Variants in COL24A1 observed in about 807,000 individuals in gnomAD.
The protein encoded by COL24A1 is collagen type XXIV alpha 1 chain, also known as collagen alpha-1(XXIV) chain.
COL24A1 carries 224 observed loss-of-function variants against 253.9 expected under a neutral mutation model. The ratio of observed to expected loss-of-function variants is 0.88; its 90% confidence interval spans 0.79 to 0.99. The LOEUF is 0.99. Among genes scored for constraint, COL24A1 ranks in the 50% least tolerant of loss-of-function variants. The probability of loss-of-function intolerance (pLI) is 0.00; values close to 1 mark genes in which losing one functional copy is unlikely to be tolerated. For synonymous variants in COL24A1, 685 were observed against 673.7 expected (o/e 1.02, Z -0.26); for missense variants, 2,131 against 2,068.5 (o/e 1.03, Z -0.59).
intron 42 of COL24A1, among the ~76,000 whole-genome samples, chr1:85,839,517 G>C (rs1676375646): frequency 6.6e-6 from 1 of 151,022 alleles, no homozygotes; most frequent in South Asian, 2.1e-4. Flanking sequence ...TGAGCTCAAG[G>C]GTTTGAGACC....
At chr1:85,844,469 T>G (rs1290759047) in intron 39 of COL24A1, among the ~76,000 whole-genome samples, 7 of 151,950 alleles carry the variant, frequency 4.6e-5, no homozygotes, top group Non-Finnish European at 7.4e-5. Context: ...ATAAAATAAA[T>G]GGGCCAGACA....
chr1:86,152,317 G>C (rs184530384), intron 1 of COL24A1, among the ~76,000 whole-genome samples: 1 of 152,220 alleles, frequency 6.6e-6, no homozygotes, highest in South Asian at 2.1e-4. Context: ...GGGCTGAAAT[G>C]ATGCCATACT....
intron 57 of COL24A1, 51 bp from the exon 58 acceptor site, chr1:85,737,556 CT>C: frequency 8.1e-7 from 1 of 1,240,074 alleles, no homozygotes; most frequent in Non-Finnish European, 1.1e-6. Context: ...TGCCATAATC[CT>C]TATAATTTCT....
chr1:85,828,954 G>T (rs974670861), intron 43 of COL24A1, among the ~76,000 whole-genome samples: 1 of 151,372 alleles, frequency 6.6e-6, no homozygotes, highest in South Asian at 2.1e-4. Flanking sequence ...GTGTGAATTT[G>T]ATCCTGTCAT....
At chr1:85,994,571 T>A (rs986293561) in intron 19 of COL24A1, among the ~76,000 whole-genome samples, 1 of 152,134 alleles carries the variant, frequency 6.6e-6, no homozygotes, top group African/African-American at 2.4e-5. Flanking sequence ...TTTTCTAACA[T>A]TTATGGAAGC....
At chr1:86,046,693 G>A in intron 12 of COL24A1, 132 bp downstream of exon 12, 2 of 1,022,436 alleles carry the variant, frequency 2.0e-6, no homozygotes, top group Non-Finnish European at 3.0e-6. Context: ...CTATTCAAGA[G>A]GCAAAAATTA....
At chr1:85,985,455 A>G (rs971480214) in intron 20 of COL24A1, among the ~76,000 whole-genome samples, 2 of 151,832 alleles carry the variant, frequency 1.3e-5, no homozygotes, top group African/African-American at 4.8e-5. Flanking sequence ...AAAAAGTACA[A>G]GCCTTAACAT....
intron 37 of COL24A1, among the ~76,000 whole-genome samples, chr1:85,854,513 T>C (rs1414032551): frequency 1.3e-5 from 2 of 152,206 alleles, no homozygotes; most frequent in Non-Finnish European, 2.9e-5. Context: ...ACGTTCTTGG[T>C]AATCTGATAG....
intron 19 of COL24A1, among the ~76,000 whole-genome samples, chr1:86,005,792 A>C (rs1055637487): frequency 3.9e-5 from 6 of 152,176 alleles, no homozygotes; most frequent in Admixed American, 2.6e-4. Context: ...GTCACAGATG[A>C]CATGATTGGC....
Position 86,125,517 on chromosome 1 carries a change from T to A in COL24A1, c.819A>T (p.Leu273=). The part of the protein sequence containing the change: ...KIPEHSPPPK[L]FAEKVLSEDT... ...CCTCTGACAGTACTTTTTCAGCAAATAGTTTGGGCGGGGGAGAGTGTTCCG... is the reference window on the plus strand; with the variant it reads ...CCTCTGACAGTACTTTTTCAGCAAAAAGTTTGGGCGGGGGAGAGTGTTCCG... The change falls in exon 3 of 60, where the codon CTA becomes CTT. Residue 273 remains leucine, a synonymous_variant. Transcript: ENST00000370571. 2 of 1,613,578 alleles carry A rather than the reference T, an allele frequency of 1.2e-6. No homozygotes were observed. The highest frequency in any genetic ancestry group is 1.7e-6 in the Non-Finnish European group (2 of 1,179,748).
At chr1:86,058,396 CAT>C (rs941337322) in intron 9 of COL24A1, among the ~76,000 whole-genome samples, 4 of 150,812 alleles carry the variant, frequency 2.7e-5, no homozygotes, top group South Asian at 4.2e-4. Context: ...TATTATATAA[CAT>C]ATATTATCAC....
At chr1:85,886,728 C>T (rs373014404) in intron 32 of COL24A1, among the ~76,000 whole-genome samples, 1 of 152,012 alleles carries the variant, frequency 6.6e-6, no homozygotes, top group Admixed American at 6.6e-5. Flanking sequence ...CTCATTATAT[C>T]TGTGATATAT....
chr1:86,097,543 C>T (rs1239076819), intron 5 of COL24A1, among the ~76,000 whole-genome samples: 1 of 6,396 alleles, frequency 1.6e-4, no homozygotes, highest in African/African-American at 3.7e-4. Context: ...CCTCCTCCCT[C>T]CTCCCTCCTC....
chr1:85,828,757 T>C (rs1194488485), intron 43 of COL24A1, among the ~76,000 whole-genome samples: 2 of 129,250 alleles, frequency 1.5e-5, no homozygotes. Flanking sequence ...CCTGCCTTTT[T>C]TTGTTTTCCA....
intron 43 of COL24A1, among the ~76,000 whole-genome samples, chr1:85,835,786 G>A (rs537041656): frequency 6.6e-6 from 1 of 152,246 alleles, no homozygotes; most frequent in Non-Finnish European, 1.5e-5. Flanking sequence ...CTTCCTTTTG[G>A]AAGTGTTGAA....
At chr1:85,732,354 T>C (rs4400639) in intron 59 of COL24A1, among the ~76,000 whole-genome samples, 151,024 of 152,056 alleles carry the variant, frequency 0.99, 75,011 homozygotes, top group Middle Eastern at 1. Context: ...CTCAGCCTCC[T>C]GAGTAGCTGG....
intron 4 of COL24A1, among the ~76,000 whole-genome samples, chr1:86,113,087 G>A (rs571962039): frequency 6.6e-6 from 1 of 152,074 alleles, no homozygotes; most frequent in East Asian, 1.9e-4. Context: ...GGTTACACTC[G>A]ATTAATATTT....
At chr1:85,773,932 T>C (rs535565496) in intron 53 of COL24A1, among the ~76,000 whole-genome samples, 33 of 152,176 alleles carry the variant, frequency 2.2e-4, no homozygotes, top group Admixed American at 1.9e-3. Context: ...TGAGAGAGGG[T>C]ATCCTTGTCT....
At chr1:85,738,414 A>G (rs1272106703) in intron 57 of COL24A1, among the ~76,000 whole-genome samples, 1 of 152,162 alleles carries the variant, frequency 6.6e-6, no homozygotes. Context: ...GGAAAAACTG[A>G]GGTCCCTATA....
Sources: allele counts gnomAD v4.1 joint callset (sites outside exome capture counted in the v4.1 genomes callset), GRCh38; gene constraint gnomAD v4.1.1; transcripts MANE v1.5; gene names NCBI Gene and HGNC (gene_info 2026-07-23, HGNC 2026-07-21).